Variants in RGS10 observed in about 807,000 individuals in gnomAD.
RGS10 encodes the protein regulator of G protein signaling 10, also known as regulator of G-protein signalling 10.
Under a neutral mutation model 23.5 loss-of-function variants are expected in RGS10, and 11 were observed. The observed-to-expected ratio is 0.47, with a 90% CI of 0.29 to 0.77. The LOEUF is 0.77. Ranked by LOEUF, RGS10 falls within the 30% of genes least tolerant of loss-of-function variation. The probability of loss-of-function intolerance (pLI) is 0.08; values close to 1 mark genes in which losing one functional copy is unlikely to be tolerated. For synonymous variants in RGS10, 77 were observed against 83.2 expected, an observed-to-expected ratio of 0.92 and a Z score of 0.41; for missense variants, 180 against 226.3, an observed-to-expected ratio of 0.80 and a Z score of 1.31.
At chr10:119,521,776 G>T (rs540562038) in intron 3 of RGS10, among the ~76,000 whole-genome samples, 1 of 149,972 alleles carries the variant, frequency 6.7e-6, no homozygotes, top group Admixed American at 6.6e-5. Flanking sequence ...CTCAACAAAA[G>T]TAGAAGACTA....
Position 119,500,273 on chromosome 10 carries a change from G to C in RGS10, c.400-14C>G. The C allele has an allele frequency of 6.3e-7, 1 of 1,597,794 alleles. No individual in the cohort carries two copies. On this transcript the variant is annotated splice_polypyrimidine_tract_variant and intron_variant, in intron 4 of 4. Transcript: ENST00000369103. ...GAGATTAAAGATCTAAGGAGGAAAA[G>C]AAAAAAGAGTCTGAAGGCTGAGGCT...
intron 4 of RGS10, among the ~76,000 whole-genome samples, chr10:119,507,965 G>A (rs1024342911): frequency 1.1e-4 from 17 of 151,964 alleles, no homozygotes; most frequent in Non-Finnish European, 1.9e-4. Flanking sequence ...CCAAAGCCTC[G>A]GGAAGGCACC....
At chr10:119,541,584 C>T (rs1395820285) in intron 1 of RGS10, among the ~76,000 whole-genome samples, 1 of 152,038 alleles carries the variant, frequency 6.6e-6, no homozygotes, top group African/African-American at 2.4e-5. Flanking sequence ...CCACAATGTC[C>T]CTCATAAAAT....
intron 4 of RGS10, among the ~76,000 whole-genome samples, chr10:119,506,563 G>T (rs572110943): frequency 6.6e-6 from 1 of 152,204 alleles, no homozygotes; most frequent in African/African-American, 2.4e-5. Context: ...CCGTCCACAC[G>T]ATTCAAATTC....
Position 119,501,588 on chromosome 10 carries a change from T to C in RGS10, c.400-1329A>G, listed in dbSNP as rs749005816. 9.9e-5 allele frequency among the ~76,000 whole-genome samples: 15 copies of C among 152,158 alleles called. No individual in the cohort carries two copies. In the Middle Eastern group the frequency reaches 0.017, roughly 174 times the overall value. On this transcript the variant is annotated intron_variant, in intron 4 of 4. Transcript: ENST00000369103. ...AAATACAAAAATTAGCCGAGCGTGG[T>C]GGCACACACCTGTAGTCCCAGCTAT...
intron 4 of RGS10, among the ~76,000 whole-genome samples, chr10:119,509,326 T>C (rs1171549849): frequency 6.6e-6 from 1 of 152,096 alleles, no homozygotes; most frequent in Non-Finnish European, 1.5e-5. Context: ...CAGTGGCTTA[T>C]GCCTCCAATC....
intron 1 of RGS10, among the ~76,000 whole-genome samples, chr10:119,530,915 T>C (rs531491877): frequency 1.3e-5 from 2 of 152,324 alleles, no homozygotes; most frequent in South Asian, 2.1e-4. Context: ...AGAGAATTAT[T>C]TGGGACAAAT....
rs1423011980 is a variant in RGS10 at position 119,500,083 on chromosome 10, T to C, written c.*30A>G. 3 of 1,606,468 alleles carry C rather than the reference T, an allele frequency of 1.9e-6. No individual in the cohort carries two copies. The highest frequency in any genetic ancestry group is 3.4e-5 in the Admixed American group (2 of 58,264). On this transcript the variant is annotated 3_prime_UTR_variant, in exon 5 of 5. Transcript: ENST00000369103. ...CCTGAGAGGAAATTCCTTTGCTTCT[T>C]AAAGCTGCCAGTCCCGGCTTTTTGG...
chr10:119,527,224 G>T lies in RGS10; in HGVS notation c.168+82C>A. On this transcript the variant is annotated intron_variant, in intron 2 of 4. Coordinates refer to ENST00000369103, the MANE Select transcript of RGS10 (RefSeq NM_001005339.2). The surrounding 1 kb of genome is among the most constrained non-coding windows in gnomAD (Gnocchi z 4.2). ...GAGTGCTACGCTGACAGACAATGTT[G>T]AACTGGCCTATTTCTCCCCTGTGTG... The T allele has an allele frequency of 2.1e-6, 2 of 950,458 alleles. No individual in the cohort carries two copies. Among genetic ancestry groups the T allele is most frequent in the Non-Finnish European group, 3.3e-6 (2 of 602,704 alleles). The allele number at this position is 950,458 out of a possible 1,614,324, so 58.9% of individuals were successfully genotyped here.
intron 4 of RGS10, among the ~76,000 whole-genome samples, chr10:119,510,278 C>A (rs531817047): frequency 1.3e-5 from 2 of 152,236 alleles, no homozygotes; most frequent in East Asian, 3.9e-4. Flanking sequence ...TCCCTCCCAA[C>A]TGAACTTTCA....
chr10:119,527,529 A>G lies in RGS10; in HGVS notation c.50-105T>C. Reference sequence around the variant, plus strand: ...GCCGTCACCATCACGGCTGACATACACCGACTTATGCGTCAGGCTCTGTTC... The same window carrying G: ...GCCGTCACCATCACGGCTGACATACGCCGACTTATGCGTCAGGCTCTGTTC... On this transcript the variant is annotated intron_variant, in intron 1 of 4. Coordinates refer to ENST00000369103, the MANE Select transcript of RGS10 (RefSeq NM_001005339.2). This position sits in a 1 kb window ranked among gnomAD's most constrained non-coding sequence, Gnocchi z 4.2. The G allele has an allele frequency of 1.2e-6, 1 of 825,602 alleles. No individual in the cohort carries two copies. The highest frequency in any genetic ancestry group is 2.1e-6 in the Non-Finnish European group (1 of 483,940). The allele number at this position is 825,602 out of a possible 1,614,324, so 51.1% of individuals were successfully genotyped here.
At position 119,527,159 on chromosome 10, in the gene RGS10, A is replaced by G; in HGVS notation, c.168+147T>C. 1 of 592,658 alleles carries G rather than the reference A, an allele frequency of 1.7e-6. No individual in the cohort carries two copies. 36.7% of individuals were successfully genotyped at this position (592,658 alleles called of 1,614,324 possible). A position where few individuals can be genotyped will look rare whatever the true frequency, so the allele number is the denominator to read the frequency against. ...GACAGATGAGAAAGTCTCACCCTCA[A>G]GCTGGGATAGACAGTACTGAACTCT... On this transcript the variant is annotated intron_variant, in intron 2 of 4. Transcript: ENST00000369103. This position sits in a 1 kb window ranked among gnomAD's most constrained non-coding sequence, Gnocchi z 4.2.
chr10:119,527,536 T>TC lies in RGS10; in HGVS notation c.50-113_50-112insG, dbSNP rs578086925. ...CCATCACGGCTGACATACACCGACTTATGCGTCAGGCTCTGTTCTAGGTGC... is the reference window on the plus strand; with the variant it reads ...CCATCACGGCTGACATACACCGACTTCATGCGTCAGGCTCTGTTCTAGGTGC... On this transcript the variant is annotated intron_variant, in intron 1 of 4. Transcript: ENST00000369103. The surrounding 1 kb of genome is among the most constrained non-coding windows in gnomAD (Gnocchi z 4.2). 4.4e-4 allele frequency: 348 copies of TC among 788,082 alleles called. 1 individual carries two copies. In the African/African-American group the frequency reaches 5.2e-3, roughly 12 times the overall value. The allele number at this position is 788,082 out of a possible 1,614,324, so 48.8% of individuals were successfully genotyped here. A position where few individuals can be genotyped will look rare whatever the true frequency, so the allele number is the denominator to read the frequency against.
At chr10:119,529,759 A>T (rs888992434) in intron 1 of RGS10, among the ~76,000 whole-genome samples, 4 of 152,074 alleles carry the variant, frequency 2.6e-5, no homozygotes, top group Admixed American at 1.3e-4. Flanking sequence ...ATGTTTCTAT[A>T]AAAAAAAGTT....
At chr10:119,533,374 C>T (rs769059852) in intron 1 of RGS10, among the ~76,000 whole-genome samples, 2 of 151,586 alleles carry the variant, frequency 1.3e-5, no homozygotes, top group Non-Finnish European at 2.9e-5. Flanking sequence ...ATGTTAACAA[C>T]CAAGGTGGAA....
intron 4 of RGS10, among the ~76,000 whole-genome samples, chr10:119,503,156 T>G (rs976738854): frequency 6.6e-6 from 1 of 152,032 alleles, no homozygotes; most frequent in African/African-American, 2.4e-5. Context: ...GGCGGGCGGA[T>G]AGCAAAATCC....
chr10:119,501,602 A>G (rs1843953870), intron 4 of RGS10, among the ~76,000 whole-genome samples: 1 of 152,314 alleles, frequency 6.6e-6, no homozygotes, highest in South Asian at 2.1e-4. Flanking sequence ...ACACACCTGT[A>G]GTCCCAGCTA....
chr10:119,516,551 A>G (rs1021607860), intron 3 of RGS10: 1 of 151,880 alleles, frequency 6.6e-6, no homozygotes, highest in African/African-American at 2.4e-5. Context: ...GTTGTGCGGT[A>G]TGCGGCCTTC....
Position 119,538,301 on chromosome 10 carries a change from C to T in RGS10, c.49+4289G>A, listed in dbSNP as rs1844407973. On this transcript the variant is annotated intron_variant, in intron 1 of 4. Transcript: ENST00000369103. The surrounding 1 kb of genome is among the most constrained non-coding windows in gnomAD (Gnocchi z 4.5). ...TTGGGTCCAAGACTTGAGTTCTCTGCCCCTTCAGAAATGGGTGCCTCCGGA... is the reference window on the plus strand; with the variant it reads ...TTGGGTCCAAGACTTGAGTTCTCTGTCCCTTCAGAAATGGGTGCCTCCGGA... 6.6e-6 allele frequency among the ~76,000 whole-genome samples: 1 copy of T among 152,200 alleles called. No individual in the cohort carries two copies. Among genetic ancestry groups the T allele is most frequent in the African/African-American group, 2.4e-5 (1 of 41,454 alleles).
Sources: gnomAD v4.1 joint callset for allele counts (sites outside exome capture counted in the v4.1 genomes callset) on GRCh38, gnomAD v4.1.1 for gene constraint, Gnocchi (gnomAD v3.1) non-coding constraint, MANE v1.5 for transcripts, NCBI Gene and HGNC (gene_info 2026-07-23, HGNC 2026-07-21) for gene names.